The following MAP3K13 variants were observed in gnomAD, a reference collection of about 807,000 sequenced individuals.
MAP3K13 encodes leucine zipper-bearing kinase.
MAP3K13 carries 52 observed loss-of-function variants against 104.0 expected under a neutral mutation model. The ratio of observed to expected loss-of-function variants is 0.50; its 90% CI spans 0.40 to 0.63. MAP3K13 has a LOEUF of 0.63. Ranked by LOEUF, MAP3K13 falls within the 20% of genes least tolerant of loss-of-function variation. The pLI, the probability that MAP3K13 is intolerant of heterozygous loss-of-function variation, is 0.00. For synonymous variants in MAP3K13, 394 were observed against 442.2 expected, an observed-to-expected ratio of 0.89 and a Z score of 1.37; for missense variants, 914 against 1,218.5, an observed-to-expected ratio of 0.75 and a Z score of 3.72.
At chr3:185,368,446 G>T (rs1012496560) in intron 1 of MAP3K13, among the ~76,000 whole-genome samples, 2 of 152,208 alleles carry the variant, frequency 1.3e-5, no homozygotes, top group African/African-American at 2.4e-5. Context: ...GGCAAAGAAA[G>T]AGTAAGGTAA....
At chr3:185,415,573 ATTTCT>A (rs1195930007) in intron 1 of MAP3K13, among the ~76,000 whole-genome samples, 13 of 119,454 alleles carry the variant, frequency 1.1e-4, no homozygotes, top group East Asian at 2.6e-4. Flanking sequence ...AGAAGGGTTA[ATTTCT>A]TTTTTTTTTT....
At chr3:185,455,546 T>TATATATGAC in intron 7 of MAP3K13, among the ~76,000 whole-genome samples, 1 of 47,280 alleles carries the variant, frequency 2.1e-5, no homozygotes, top group South Asian at 8.2e-4. Context: ...ATATATGACA[T>TATATATGAC]ATATATGATA....
chr3:185,408,064 G>A (rs1200356980), intron 1 of MAP3K13, among the ~76,000 whole-genome samples: 10 of 151,464 alleles, frequency 6.6e-5, no homozygotes, highest in Non-Finnish European at 7.4e-5. Context: ...TCTTAGTAGC[G>A]TCTGGCATGG....
chr3:185,363,092 C>T, upstream of MAP3K13: 1 of 984,906 alleles, frequency 1.0e-6, no homozygotes, highest in Non-Finnish European at 1.2e-6. Context: ...TGCCTGAAGC[C>T]TATTGGCTGG....
intron 5 of MAP3K13, among the ~76,000 whole-genome samples, chr3:185,449,371 T>TAAAAAA (rs61621090): frequency 1.2e-5 from 1 of 80,774 alleles, no homozygotes; most frequent in Admixed American, 1.5e-4. Flanking sequence ...AGATGCTGTC[T>TAAAAAA]AAAAAAAAAA....
At chr3:185,403,833 T>C (rs1252782544) in intron 1 of MAP3K13, among the ~76,000 whole-genome samples, 1 of 152,348 alleles carries the variant, frequency 6.6e-6, no homozygotes, top group South Asian at 2.1e-4. Flanking sequence ...ATCAGGTAAT[T>C]ATTTATATCT....
intron 1 of MAP3K13, among the ~76,000 whole-genome samples, chr3:185,409,927 G>A (rs1713333998): frequency 6.6e-6 from 1 of 152,178 alleles, no homozygotes; most frequent in African/African-American, 2.4e-5. Context: ...GGGATGTGGT[G>A]GGTGGTGGGT....
rs1188411983 is a variant in MAP3K13 at position 185,473,288 on chromosome 3, C to T, written c.1957C>T (p.His653Tyr). 3 of 1,614,212 alleles carry T rather than the reference C, an allele frequency of 1.9e-6. No homozygotes were observed. Among genetic ancestry groups the T allele is most frequent in the African/African-American group, 2.7e-5 (2 of 75,056 alleles). ...CCCTCCTGCCATGTCCCAGAGTCAC[C>T]ATCCCAGACTCAATATGCACGGACA... ...QPPPAMSQSH[H>Y]PRLNMHGQDI... Residue 653 changes from histidine to tyrosine, a missense_variant, in exon 11 of 14, where the codon CAT becomes TAT. Physicochemically the swap from His to Tyr is moderately conservative, Grantham distance 83 (BLOSUM62 2). This residue lies in a region of MAP3K13 where 583 missense variants were observed against 737.4 expected (regional missense o/e 0.79). Coordinates refer to ENST00000265026, the MANE Select transcript of MAP3K13 (RefSeq NM_004721.5). This position sits in a 1 kb window ranked among gnomAD's most constrained non-coding sequence, Gnocchi z 4.9.
intron 7 of MAP3K13, among the ~76,000 whole-genome samples, chr3:185,462,768 G>A (rs1238560386): frequency 2.0e-5 from 3 of 152,072 alleles, no homozygotes; most frequent in East Asian, 3.9e-4. Context: ...GCGAGACTCC[G>A]TCTCAAAAAT....
rs1318488748 is a variant in MAP3K13 at position 185,429,030 on chromosome 3, C to A, written c.449C>A (p.Ser150Tyr). The change falls in exon 2 of 14, where the codon TCC (serine) becomes TAC (tyrosine). Residue 150 changes from serine to tyrosine, a missense_variant. Physicochemically the swap from Ser to Tyr is moderately radical, Grantham distance 144 (BLOSUM62 -2). Coordinates refer to ENST00000265026, the MANE Select transcript of MAP3K13 (RefSeq NM_004721.5). ...TGGAATATCATTGGGAAGGCATATTCCACTGATTACAAATTGCAGCAGCAA... is the reference window on the plus strand; with the variant it reads ...TGGAATATCATTGGGAAGGCATATTACACTGATTACAAATTGCAGCAGCAA... The part of the protein sequence containing the change: ...PVWNIIGKAY[S>Y]TDYKLQQQDT... 6.2e-7 allele frequency: 1 copy of A among 1,612,838 alleles called. No individual in the cohort carries two copies.
chr3:185,468,499 T>C (rs1717588566), intron 10 of MAP3K13, among the ~76,000 whole-genome samples: 1 of 152,126 alleles, frequency 6.6e-6, no homozygotes, highest in Non-Finnish European at 1.5e-5. Context: ...TAACAGAGGG[T>C]TGGCTCTCTC....
Position 185,466,849 on chromosome 3 carries a change from A to T in MAP3K13, c.1529A>T (p.Lys510Met), listed in dbSNP as rs760908174. The change falls in exon 10 of 14, where the codon AAG becomes ATG. Residue 510 changes from lysine (K) to methionine (M), a missense_variant. Lys to Met is a moderately conservative substitution (Grantham distance 95). This residue lies in a region of MAP3K13 where 583 missense variants were observed against 737.4 expected (regional missense o/e 0.79). Coordinates refer to ENST00000265026, the MANE Select transcript of MAP3K13 (RefSeq NM_004721.5). ...AGGCGTGAGCAAGCAGTGGAAAAGA[A>T]GTATCCTGGGACCTACAAACGACAC... ...LIKREQAVEK[K>M]YPGTYKRHPV... 3.7e-6 allele frequency: 6 copies of T among 1,614,014 alleles called. 1 individual carries two copies. The South Asian group carries it at 6.6e-5, about 18-fold the overall frequency.
chr3:185,344,902 GAC>G (rs1247016765), intron 2 of MAP3K13, among the ~76,000 whole-genome samples: 4 of 142,674 alleles, frequency 2.8e-5, no homozygotes, highest in Non-Finnish European at 6.0e-5. Context: ...TTTTTTTTGA[GAC>G]AGAGTCTCGC....
chr3:185,438,410 G>C (rs1715158440), intron 3 of MAP3K13, among the ~76,000 whole-genome samples: 1 of 152,164 alleles, frequency 6.6e-6, no homozygotes, highest in South Asian at 2.1e-4. Flanking sequence ...GGTTCTGTTA[G>C]CATCCCTTCT....
chr3:185,328,217 G>C (rs753779576), intron 2 of MAP3K13, among the ~76,000 whole-genome samples: 2 of 152,188 alleles, frequency 1.3e-5, no homozygotes, highest in African/African-American at 2.4e-5. Context: ...AAAAAAGTCA[G>C]GGAGAATGGA....
At chr3:185,433,005 C>A (rs960670674) in intron 2 of MAP3K13, among the ~76,000 whole-genome samples, 62 of 152,264 alleles carry the variant, frequency 4.1e-4, no homozygotes, top group African/African-American at 1.5e-3. Flanking sequence ...TGCAGTCAAC[C>A]GAAGGCTAAC....
intron 2 of MAP3K13, among the ~76,000 whole-genome samples, chr3:185,352,430 G>A (rs1723170006): frequency 6.6e-6 from 1 of 151,516 alleles, no homozygotes; most frequent in Non-Finnish European, 1.5e-5. Flanking sequence ...GGCAACAAGA[G>A]CAAAACTCTG....
chr3:185,314,980 C>T (rs751592043), intron 2 of MAP3K13, among the ~76,000 whole-genome samples: 2 of 151,822 alleles, frequency 1.3e-5, no homozygotes, highest in Admixed American at 6.6e-5. Context: ...TGGCCAGGTG[C>T]GGTGGCTCAT....
intron 2 of MAP3K13, among the ~76,000 whole-genome samples, chr3:185,324,293 C>G (rs1448316793): frequency 6.6e-6 from 1 of 152,216 alleles, no homozygotes; most frequent in Non-Finnish European, 1.5e-5. Context: ...GCTGGGATTA[C>G]AGGCGTGAGC....
Sources: gnomAD v4.1 joint callset for allele counts (sites outside exome capture counted in the v4.1 genomes callset) on GRCh38, gnomAD v4.1.1 for gene constraint, gnomAD v4.1.1 regional missense constraint, Gnocchi (gnomAD v3.1) non-coding constraint, MANE v1.5 for transcripts, NCBI Gene and HGNC (gene_info 2026-07-23, HGNC 2026-07-21) for gene names.